The following CEP68 variants were observed in gnomAD, a reference collection of about 807,000 sequenced individuals.
The protein encoded by CEP68 is centrosomal protein of 68 kDa.
In CEP68, 26 loss-of-function variants were observed where a neutral mutation model predicts 55.3. The observed-to-expected ratio is 0.47, with a 90% CI of 0.34 to 0.65. CEP68 has a LOEUF of 0.65. Ranked by LOEUF, CEP68 falls within the 30% of genes least tolerant of loss-of-function variation. The probability of loss-of-function intolerance (pLI) is 0.01; values close to 1 mark genes in which losing one functional copy is unlikely to be tolerated. For missense variants in CEP68, 957 were observed against 946.7 expected, an observed-to-expected ratio of 1.01 and a Z score of -0.14; for synonymous variants, 402 against 383.2, an observed-to-expected ratio of 1.05 and a Z score of -0.57.
chr2:65,056,696 G>A (rs896088834), intron 1 of CEP68, among the ~76,000 whole-genome samples, 168 bp downstream of exon 1: 1 of 152,034 alleles, frequency 6.6e-6, no homozygotes, highest in Non-Finnish European at 1.5e-5. Flanking sequence ...CGCCGGCAAG[G>A]GCACAAAGGC....
At chr2:65,068,092 G>A (rs1240871275) in intron 1 of CEP68, among the ~76,000 whole-genome samples, 1 of 152,080 alleles carries the variant, frequency 6.6e-6, no homozygotes. Flanking sequence ...GGCCATTTCT[G>A]CCCACATTTA....
At chr2:65,079,233 G>A (rs977122952) in intron 5 of CEP68, among the ~76,000 whole-genome samples, 2 of 152,226 alleles carry the variant, frequency 1.3e-5, no homozygotes, top group African/African-American at 2.4e-5. Flanking sequence ...TGCATACCGT[G>A]AAGGGTGTAC....
intron 5 of CEP68, among the ~76,000 whole-genome samples, chr2:65,078,718 G>GT (rs1432860341): frequency 2.0e-5 from 3 of 152,062 alleles, no homozygotes; most frequent in Non-Finnish European, 2.9e-5. Flanking sequence ...TTTTTTTTGT[G>GT]TTTTTAGTAC....
At chr2:65,068,480 A>G (rs1383020328) in intron 1 of CEP68, among the ~76,000 whole-genome samples, 1 of 152,092 alleles carries the variant, frequency 6.6e-6, no homozygotes, top group Non-Finnish European at 1.5e-5. Context: ...AGCTTTCCAC[A>G]GCTTCCCTCC....
Position 65,071,359 on chromosome 2 carries a change from G to A in CEP68, c.358-95G>A, listed in dbSNP as rs1192329107. On this transcript the variant is annotated intron_variant, in intron 2 of 6. Transcript: ENST00000377990. ...CATTTTAAGGTCTTTCCTAAATACT[G>A]TCTAGACCCACAAGGAAACTCCTGG... 5.6e-6 allele frequency: 6 copies of A among 1,071,284 alleles called. No homozygotes were observed. In the African/African-American group the frequency reaches 7.8e-5, roughly 14 times the overall value. The allele number at this position is 1,071,284 out of a possible 1,614,324, so 66.4% of individuals were successfully genotyped here.
chr2:65,078,016 C>T, intron 5 of CEP68, 52 bp downstream of exon 5: 2 of 1,414,278 alleles, frequency 1.4e-6, no homozygotes, highest in Non-Finnish European at 2.0e-6. Flanking sequence ...CTGTCAGCAG[C>T]AGGCCCAGGG....
At chr2:65,081,124 T>C (rs1676989172) in intron 5 of CEP68, among the ~76,000 whole-genome samples, 1 of 151,090 alleles carries the variant, frequency 6.6e-6, no homozygotes, top group Non-Finnish European at 1.5e-5. Flanking sequence ...GGCAGGAGAA[T>C]CGCTTGAACC....
intron 5 of CEP68, among the ~76,000 whole-genome samples, chr2:65,078,706 TA>T (rs1415758429): frequency 6.6e-6 from 1 of 151,210 alleles, no homozygotes; most frequent in African/African-American, 2.4e-5. Context: ...CATGCCCGGC[TA>T]TTTTTTTTGT....
At chr2:65,081,098 C>A (rs7597073) in intron 5 of CEP68, among the ~76,000 whole-genome samples, 11,055 of 151,754 alleles carry the variant, frequency 0.073, 530 homozygotes, top group East Asian at 0.23. Context: ...GTAATTCCAA[C>A]TACTGGGGAG....
rs757916444 is a variant in CEP68 at position 65,072,298 on chromosome 2, C to G, written c.1202C>G (p.Pro401Arg). ...LASWSQLASTPRAPGSRDARW... is the reference protein window; with the variant it reads ...LASWSQLASTRRAPGSRDARW... ...TCTTGGAGCCAACTTGCATCTACCCCCAGAGCCCCAGGCAGTAGGGATGCT... is the reference window on the plus strand; with the variant it reads ...TCTTGGAGCCAACTTGCATCTACCCGCAGAGCCCCAGGCAGTAGGGATGCT... Residue 401 changes from proline to arginine, a missense_variant, in exon 3 of 7, where the codon CCC (proline) becomes CGC (arginine). By Grantham distance (103) the Pro-to-Arg change is moderately radical. Coordinates refer to ENST00000377990, the MANE Select transcript of CEP68 (RefSeq NM_015147.3). 6.2e-7 allele frequency: 1 copy of G among 1,613,924 alleles called. No individual in the cohort carries two copies. The highest frequency in any genetic ancestry group is 1.3e-5 in the African/African-American group (1 of 74,908).
chr2:65,072,705 A>G lies in CEP68; in HGVS notation c.1609A>G (p.Ser537Gly), dbSNP rs758786885. 7 of 1,614,144 alleles carry G rather than the reference A, an allele frequency of 4.3e-6. No homozygotes were observed. In the East Asian group the frequency reaches 1.3e-4, roughly 31 times the overall value. ...PASFPSSSSQ[S>G]QLPPGAALQG... ...TTCCTTCCCTTCAAGCTCCAGCCAA[A>G]GCCAGCTTCCCCCTGGAGCTGCCCT... is the stretch of plus-strand genomic sequence containing the variant. The change falls in exon 3 of 7, where the codon AGC (serine) becomes GGC (glycine). Residue 537 changes from serine (S) to glycine (G), a missense_variant. Transcript: ENST00000377990.
In CEP68 at chr2:65,074,382, A is replaced by C. The variant is rs749364217; in HGVS notation, c.1985A>C (p.Lys662Thr). 4.3e-6 allele frequency: 7 copies of C among 1,614,064 alleles called. No individual in the cohort carries two copies. The East Asian group carries it at 1.6e-4, about 36-fold the overall frequency. ...TAARSNLTSL[K>T]SSLQLYRQFK... The stretch of plus-strand genomic sequence containing the variant: ...GCCAGGTCCAATCTTACAAGTCTCA[A>C]GTCTTCTCTGCAGCTTTACCGGGTA... The change falls in exon 4 of 7, where the codon AAG (lysine) becomes ACG (threonine). Residue 662 changes from lysine (K) to threonine (T), a missense_variant. Lys to Thr is a moderately conservative substitution (Grantham distance 78, BLOSUM62 -1). Transcript: ENST00000377990.
chr2:65,076,585 C>T (rs1676766370), intron 4 of CEP68, among the ~76,000 whole-genome samples: 1 of 152,132 alleles, frequency 6.6e-6, no homozygotes, highest in Non-Finnish European at 1.5e-5. Flanking sequence ...GCGAGCGTGT[C>T]TGTGTTCACA....
In CEP68 at chr2:65,083,904, G is replaced by C. The variant is rs185712906; in HGVS notation, c.*270G>C. 1 of 152,126 alleles carries C rather than the reference G, an allele frequency of 6.6e-6. No individual in the cohort carries two copies. Among genetic ancestry groups the C allele is most frequent in the Non-Finnish European group, 1.5e-5 (1 of 68,022 alleles). The allele number at this position is 152,126 out of a possible 1,614,324, so 9.4% of individuals were successfully genotyped here. A position where few individuals can be genotyped will look rare whatever the true frequency, so the allele number is the denominator to read the frequency against. ...TTTGCAATTTTTGATAAAATAAGAC[G>C]TGTTGCCTTCCCCTCTATCCCATTA... On this transcript the variant is annotated 3_prime_UTR_variant, in exon 7 of 7. Coordinates refer to ENST00000377990, the MANE Select transcript of CEP68 (RefSeq NM_015147.3).
chr2:65,081,408 TCTA>T (rs1407489824), intron 5 of CEP68, among the ~76,000 whole-genome samples: 2 of 146,846 alleles, frequency 1.4e-5, no homozygotes, highest in Non-Finnish European at 1.5e-5. Flanking sequence ...TCCTTCTCCT[TCTA>T]CTCATCCAGT....
intron 1 of CEP68, among the ~76,000 whole-genome samples, chr2:65,058,301 G>T (rs1305780791): frequency 6.6e-6 from 1 of 151,736 alleles, no homozygotes; most frequent in Non-Finnish European, 1.5e-5. Context: ...AACCTCCTGG[G>T]GTCGAGTCCC....
At position 65,061,634 on chromosome 2, in the gene CEP68, G is replaced by A. The variant is rs115172394; in HGVS notation, c.-47+5106G>A. ...CCACAGTGAAAGACAGGGCTGGTGT[G>A]GGGGACTGTGGGGCTCCAGGGGGAC... On this transcript the variant is annotated intron_variant, in intron 1 of 6. Coordinates refer to ENST00000377990, the MANE Select transcript of CEP68 (RefSeq NM_015147.3). Among the ~76,000 whole-genome samples, 809 of 152,342 alleles carry A rather than the reference G, an allele frequency of 5.3e-3. 9 individuals are homozygous for A. Among genetic ancestry groups the A allele is most frequent in the African/African-American group, 0.018 (759 of 41,578 alleles).
chr2:65,074,114 G>T, intron 3 of CEP68, 168 bp from the exon 4 acceptor site: 2 of 679,678 alleles, frequency 2.9e-6, no homozygotes, highest in Non-Finnish European at 4.8e-6. Context: ...TCATTGCTTT[G>T]GCAGAGGGAG....
At chr2:65,062,964 C>T (rs1365610342) in intron 1 of CEP68, among the ~76,000 whole-genome samples, 1 of 152,324 alleles carries the variant, frequency 6.6e-6, no homozygotes, top group Admixed American at 6.5e-5. Flanking sequence ...CCACAGTTCC[C>T]AGTCCTCCTC....
Sources: allele counts gnomAD v4.1 joint callset (sites outside exome capture counted in the v4.1 genomes callset), GRCh38; gene constraint gnomAD v4.1.1; transcripts MANE v1.5; gene names NCBI Gene and HGNC (gene_info 2026-07-23, HGNC 2026-07-21).